The following MORN1 variants were observed in gnomAD, a reference collection of about 807,000 sequenced individuals.
MORN1 encodes MORN repeat containing 1.
Under a neutral mutation model 61.9 loss-of-function variants are expected in MORN1, and 67 were observed. That is an observed-to-expected ratio of 1.08 (90% CI 0.89 to 1.33). MORN1 has a LOEUF of 1.33. MORN1 is among the 40% of genes most tolerant of loss of function. The pLI, the probability that MORN1 is intolerant of heterozygous loss-of-function variation, is 0.00. For synonymous variants in MORN1, 301 were observed against 292.0 expected (o/e 1.03, Z -0.31); for missense variants, 752 against 691.2 (o/e 1.09, Z -0.99).
chr1:2,325,837 C>G (rs923026073), intron 12 of MORN1, among the ~76,000 whole-genome samples: 1 of 150,928 alleles, frequency 6.6e-6, no homozygotes, highest in Non-Finnish European at 1.5e-5. Flanking sequence ...GTTGCCCAGG[C>G]TGGTCTCAAA....
chr1:2,355,591 C>A, intron 10 of MORN1: 5 of 988,288 alleles, frequency 5.1e-6, no homozygotes, highest in Non-Finnish European at 7.6e-6. Context: ...CCAGGGCGGC[C>A]AGGGGCATTC....
chr1:2,350,727 GCTTC>G (rs1641626423), intron 10 of MORN1: 1 of 152,290 alleles, frequency 6.6e-6, no homozygotes, highest in African/African-American at 2.4e-5. Context: ...AGGGCCTTCT[GCTTC>G]CTTCAGTCCA....
intron 4 of MORN1, chr1:2,386,135 G>A (rs1642493377): frequency 3.8e-6 from 2 of 531,784 alleles, no homozygotes; most frequent in Non-Finnish European, 6.8e-6. Flanking sequence ...AGGTCGGTGA[G>A]CTGACAGGGC....
At chr1:2,361,422 G>A (rs192031439) in intron 8 of MORN1, among the ~76,000 whole-genome samples, 59 of 152,182 alleles carry the variant, frequency 3.9e-4, no homozygotes, top group African/African-American at 1.4e-3. Context: ...GCTGGGTGTG[G>A]TGGCACGTGT....
intron 10 of MORN1, chr1:2,355,522 TGA>T (rs1201375384): frequency 2.6e-5 from 40 of 1,543,680 alleles, no homozygotes; most frequent in Non-Finnish European, 3.4e-5. Flanking sequence ...ACCAGCTGGG[TGA>T]GGTTTCTGGG....
At chr1:2,321,977 A>T (rs1316078502) in intron 13 of MORN1, 4 of 971,128 alleles carry the variant, frequency 4.1e-6, no homozygotes, top group Non-Finnish European at 3.7e-6. Context: ...CTTTTTTAGG[A>T]GAAAAATAAT....
intron 10 of MORN1, among the ~76,000 whole-genome samples, chr1:2,342,887 T>TTTTATTTTATTTTATTTTA (rs1557873835): frequency 1.3e-3 from 148 of 113,244 alleles, no homozygotes; most frequent in Middle Eastern, 4.3e-3. Context: ...TTTTATTTTA[T>TTTTATTTTATTTTATTTTA]TTTATTTTAT....
Position 2,357,197 on chromosome 1 carries a change from C to G in MORN1, c.1036+235G>C, listed in dbSNP as rs1641793199. Among the ~76,000 whole-genome samples, 1 of 152,176 alleles carries G rather than the reference C, an allele frequency of 6.6e-6. No individual in the cohort carries two copies. The highest frequency in any genetic ancestry group is 6.5e-5 in the Admixed American group (1 of 15,290). ...CTGAGGACCCCACGAGGCTGCAGCC[C>G]CTGCCAGGCTCACGGCAGACGAACA... On this transcript the variant is annotated intron_variant, in intron 10 of 13. Coordinates refer to ENST00000378531, the MANE Select transcript of MORN1 (RefSeq NM_024848.3). The surrounding 1 kb of genome is among the most constrained non-coding windows in gnomAD (Gnocchi z 6.3).
chr1:2,339,745 C>A (rs576793818), intron 10 of MORN1, among the ~76,000 whole-genome samples: 1 of 152,186 alleles, frequency 6.6e-6, no homozygotes, highest in Admixed American at 6.5e-5. Context: ...GACCCTCACA[C>A]GGAAGCCAGG....
intron 13 of MORN1, chr1:2,323,640 C>T (rs1640932553): frequency 5.1e-6 from 5 of 985,160 alleles, no homozygotes; most frequent in Non-Finnish European, 6.0e-6. Flanking sequence ...TGCACCCCTC[C>T]TTGCTGTCCC....
At position 2,334,054 on chromosome 1, in the gene MORN1, G is replaced by T. The variant is rs1641215408; in HGVS notation, c.1250+2415C>A. ...TTCCTCACCGCAGAGCAGACAGAAG[G>T]CATGGGGGTCACAGCTGGGGGAGCC... is the stretch of plus-strand genomic sequence containing the variant. On this transcript the variant is annotated intron_variant, in intron 12 of 13. Transcript: ENST00000378531. This position sits in a 1 kb window ranked among gnomAD's most constrained non-coding sequence, Gnocchi z 5.4. Among the ~76,000 whole-genome samples, 1 of 152,130 alleles carries T rather than the reference G, an allele frequency of 6.6e-6. No homozygotes were observed. Among genetic ancestry groups the T allele is most frequent in the African/African-American group, 2.4e-5 (1 of 41,424 alleles).
At chr1:2,375,424 C>A (rs1016328915) in intron 6 of MORN1, 1 of 152,484 alleles carries the variant, frequency 6.6e-6, no homozygotes. Context: ...CAGCGAGGGC[C>A]GAGGGCCAGG....
intron 13 of MORN1, among the ~76,000 whole-genome samples, chr1:2,321,853 C>T (rs1204956498): frequency 1.3e-5 from 2 of 152,216 alleles, no homozygotes; most frequent in East Asian, 1.9e-4. Context: ...GCTATGGCCT[C>T]CAGCTCGGAG....
intron 10 of MORN1, among the ~76,000 whole-genome samples, chr1:2,345,839 A>ACACG (rs1231602290): frequency 7.5e-6 from 1 of 132,768 alleles, no homozygotes; most frequent in African/African-American, 3.4e-5. Context: ...CCACACACAC[A>ACACG]CACACACACA....
At chr1:2,364,876 C>A (rs376497450) in intron 8 of MORN1, among the ~76,000 whole-genome samples, 5 of 151,798 alleles carry the variant, frequency 3.3e-5, no homozygotes, top group Non-Finnish European at 7.4e-5. Flanking sequence ...GTTGTAGATA[C>A]GCAGCGTTAT....
chr1:2,322,951 TTA>T, intron 13 of MORN1: 1 of 985,308 alleles, frequency 1.0e-6, no homozygotes, highest in South Asian at 4.7e-5. Flanking sequence ...CAGCTCTCAC[TTA>T]GGGCCTCGGC....
intron 12 of MORN1, among the ~76,000 whole-genome samples, chr1:2,330,164 G>C (rs1042607535): frequency 6.6e-6 from 1 of 152,222 alleles, no homozygotes; most frequent in Non-Finnish European, 1.5e-5. Flanking sequence ...AGGCTGCTTT[G>C]CTGGCCAGGC....
rs372773732 is a variant in MORN1 at position 2,334,582 on chromosome 1, C to T, written c.1250+1887G>A. On this transcript the variant is annotated intron_variant, in intron 12 of 13. Transcript: ENST00000378531. This position sits in a 1 kb window ranked among gnomAD's most constrained non-coding sequence, Gnocchi z 5.4. Reference sequence around the variant, plus strand: ...CCTGTCCCAACACGACGAGAGGGCCCTGGCTGTGTGGCCGTGGAGCCGGCA... The same window carrying T: ...CCTGTCCCAACACGACGAGAGGGCCTTGGCTGTGTGGCCGTGGAGCCGGCA... 6.6e-6 allele frequency among the ~76,000 whole-genome samples: 1 copy of T among 152,188 alleles called. No homozygotes were observed. The highest frequency in any genetic ancestry group is 2.4e-5 in the African/African-American group (1 of 41,454).
At chr1:2,348,684 C>G (rs1300385961) in intron 10 of MORN1, among the ~76,000 whole-genome samples, 11 of 149,656 alleles carry the variant, frequency 7.4e-5, no homozygotes, top group African/African-American at 2.5e-4. Context: ...CCTGCGCAGG[C>G]ACGCACACAC....
Sources: gnomAD v4.1 joint callset for allele counts (sites outside exome capture counted in the v4.1 genomes callset) on GRCh38, gnomAD v4.1.1 for gene constraint, Gnocchi (gnomAD v3.1) non-coding constraint, MANE v1.5 for transcripts, NCBI Gene and HGNC (gene_info 2026-07-23, HGNC 2026-07-21) for gene names.